Variants in EPHA6 observed in about 807,000 individuals in gnomAD.
EPHA6 encodes ephrin type-A receptor 6.
A neutral mutation model predicts 112.0 loss-of-function variants in EPHA6; 50 were observed. The ratio of observed to expected loss-of-function variants is 0.45; its 90% CI spans 0.36 to 0.56. The LOEUF is 0.56. EPHA6 is among the 20% of genes least tolerant of loss of function. The probability of loss-of-function intolerance (pLI) is 0.00; values close to 1 mark genes in which losing one functional copy is unlikely to be tolerated. For missense variants in EPHA6, 1,280 were observed against 1,417.4 expected, an observed-to-expected ratio of 0.90 and a Z score of 1.56; for synonymous variants, 529 against 490.7, an observed-to-expected ratio of 1.08 and a Z score of -1.03.
intron 3 of EPHA6, among the ~76,000 whole-genome samples, chr3:97,017,069 C>G (rs1377526318): frequency 1.3e-5 from 2 of 152,126 alleles, no homozygotes; most frequent in Non-Finnish European, 2.9e-5. Flanking sequence ...TAGAAGCCTC[C>G]AATCATCCCA....
intron 4 of EPHA6, among the ~76,000 whole-genome samples, chr3:97,243,407 A>T (rs1195137740): frequency 6.6e-6 from 1 of 151,820 alleles, no homozygotes; most frequent in Non-Finnish European, 1.5e-5. Flanking sequence ...CTTTTTCCAA[A>T]TCATCTGCTC....
chr3:97,232,291 A>G (rs2078551892), intron 4 of EPHA6, among the ~76,000 whole-genome samples: 1 of 152,236 alleles, frequency 6.6e-6, no homozygotes, highest in Admixed American at 6.5e-5. Flanking sequence ...TAGCTTGCAC[A>G]TAATGGGTGC....
At chr3:96,959,514 T>C (rs1465147104) in intron 2 of EPHA6, among the ~76,000 whole-genome samples, 1 of 152,142 alleles carries the variant, frequency 6.6e-6, no homozygotes, top group African/African-American at 2.4e-5. Context: ...AAAGTGTAAT[T>C]AATCTATTTT....
At chr3:97,137,117 T>C (rs1254891561) in intron 3 of EPHA6, among the ~76,000 whole-genome samples, 2 of 152,310 alleles carry the variant, frequency 1.3e-5, no homozygotes, top group Non-Finnish European at 2.9e-5. Context: ...TTAAATGTTA[T>C]ATCTGATAAC....
intron 11 of EPHA6, among the ~76,000 whole-genome samples, chr3:97,539,033 T>C (rs2092805907): frequency 6.7e-6 from 1 of 148,564 alleles, no homozygotes; most frequent in African/African-American, 2.6e-5. Context: ...CTTTCTTTCT[T>C]TCTTGCTTTC....
At chr3:97,021,381 G>T (rs2044453952) in intron 3 of EPHA6, among the ~76,000 whole-genome samples, 1 of 151,992 alleles carries the variant, frequency 6.6e-6, no homozygotes, top group Non-Finnish European at 1.5e-5. Flanking sequence ...CTCCAACATT[G>T]GCCTTACTTC....
At chr3:97,008,131 C>G (rs183723486) in intron 3 of EPHA6, among the ~76,000 whole-genome samples, 21 of 152,230 alleles carry the variant, frequency 1.4e-4, no homozygotes, top group Middle Eastern at 3.4e-3. Context: ...TCTATACTTT[C>G]TGAATTTGCA....
chr3:97,185,165 C>A lies in EPHA6; in HGVS notation c.1115-41099C>A, dbSNP rs2077092112. On this transcript the variant is annotated intron_variant, in intron 3 of 17. Transcript: ENST00000389672. ...AGGACATAGGCATGGGCAAGGACTTCATGTCTAAAACACCAACAGCAATGG... is the reference window on the plus strand; with the variant it reads ...AGGACATAGGCATGGGCAAGGACTTAATGTCTAAAACACCAACAGCAATGG... 2.0e-5 allele frequency among the ~76,000 whole-genome samples: 3 copies of A among 152,176 alleles called. No individual in the cohort carries two copies. In the South Asian group the frequency reaches 6.2e-4, roughly 31 times the overall value.
chr3:97,284,346 G>A (rs1170281280), intron 5 of EPHA6, among the ~76,000 whole-genome samples: 1 of 152,082 alleles, frequency 6.6e-6, no homozygotes, highest in Non-Finnish European at 1.5e-5. Flanking sequence ...TATGCAAAAA[G>A]AGAGAAAGGC....
At chr3:97,662,448 C>T (rs1246608219) in intron 14 of EPHA6, among the ~76,000 whole-genome samples, 1 of 152,276 alleles carries the variant, frequency 6.6e-6, no homozygotes, top group South Asian at 2.1e-4. Context: ...CTGTCCCATA[C>T]TGCAGTAAGG....
At chr3:97,550,294 G>T (rs543590054) in intron 11 of EPHA6, among the ~76,000 whole-genome samples, 2 of 152,350 alleles carry the variant, frequency 1.3e-5, no homozygotes, top group South Asian at 2.1e-4. Flanking sequence ...ATATGTGGAT[G>T]ACCCAGTCCC....
At chr3:96,976,133 A>G (rs2042511883) in intron 2 of EPHA6, among the ~76,000 whole-genome samples, 1 of 152,192 alleles carries the variant, frequency 6.6e-6, no homozygotes, top group South Asian at 2.1e-4. Flanking sequence ...GTTGGATAAT[A>G]AGTTATATGT....
intron 2 of EPHA6, among the ~76,000 whole-genome samples, chr3:96,924,022 T>A (rs1219121136): frequency 2.0e-5 from 3 of 152,184 alleles, no homozygotes; most frequent in African/African-American, 7.2e-5. Context: ...CTTGTACCAG[T>A]ACCATGCTGT....
At chr3:97,510,894 G>T (rs1407402218) in intron 10 of EPHA6, among the ~76,000 whole-genome samples, 4 of 152,234 alleles carry the variant, frequency 2.6e-5, no homozygotes, top group African/African-American at 4.8e-5. Flanking sequence ...GCCCAGAGAA[G>T]AGGAATCTTG....
At chr3:97,567,629 ACACAT>A (rs2093284360) in intron 11 of EPHA6, among the ~76,000 whole-genome samples, 1 of 152,176 alleles carries the variant, frequency 6.6e-6, no homozygotes, top group South Asian at 2.1e-4. Context: ...AAAGAGAGAG[ACACAT>A]ATGGAGGAGA....
chr3:97,417,977 C>T (rs1457842341), intron 6 of EPHA6, among the ~76,000 whole-genome samples: 1 of 151,870 alleles, frequency 6.6e-6, no homozygotes, highest in African/African-American at 2.4e-5. Flanking sequence ...TGAGGAGAAA[C>T]GATCTGCAAC....
At chr3:97,748,475 T>G in intron 17 of EPHA6, 112 bp from the exon 18 acceptor site, 1 of 654,152 alleles carries the variant, frequency 1.5e-6, no homozygotes, top group Non-Finnish European at 2.8e-6. Context: ...AAATATTCAC[T>G]TTATCTTGCA....
chr3:97,068,445 G>T (rs938435223), intron 3 of EPHA6, among the ~76,000 whole-genome samples: 4 of 152,068 alleles, frequency 2.6e-5, no homozygotes, highest in African/African-American at 7.2e-5. Flanking sequence ...GAAGCTGAAG[G>T]CCTGAAATAT....
At chr3:97,345,927 T>C (rs992677689) in intron 5 of EPHA6, among the ~76,000 whole-genome samples, 2 of 152,152 alleles carry the variant, frequency 1.3e-5, no homozygotes, top group Non-Finnish European at 2.9e-5. Flanking sequence ...ACTGGCATTA[T>C]GACAGCAGGT....
Sources: gnomAD v4.1 joint callset for allele counts (sites outside exome capture counted in the v4.1 genomes callset) on GRCh38, gnomAD v4.1.1 for gene constraint, MANE v1.5 for transcripts, NCBI Gene and HGNC (gene_info 2026-07-23, HGNC 2026-07-21) for gene names.